MYLK: variants seen among roughly 807,000 people sequenced by gnomAD.
MYLK encodes the protein myosin light chain kinase, smooth muscle.
A neutral mutation model predicts 203.4 loss-of-function variants in MYLK; 106 were observed. The ratio of observed to expected loss-of-function variants is 0.52; its 90% confidence interval spans 0.45 to 0.61. MYLK has a LOEUF of 0.61. Ranked by LOEUF, MYLK falls within the 20% of genes least tolerant of loss-of-function variation. The probability of loss-of-function intolerance (pLI) is 0.00; values close to 1 mark genes in which losing one functional copy is unlikely to be tolerated. For missense variants in MYLK, 2,072 were observed against 2,442.3 expected, an observed-to-expected ratio of 0.85 and a Z score of 3.20; for synonymous variants, 867 against 959.5, an observed-to-expected ratio of 0.90 and a Z score of 1.78.
chr3:123,684,689 C>T (rs1221192521), intron 19 of MYLK, among the ~76,000 whole-genome samples: 2 of 152,054 alleles, frequency 1.3e-5, no homozygotes, highest in African/African-American at 2.4e-5. Flanking sequence ...CTCCTGAGTA[C>T]ACGCCTGACT....
At chr3:123,801,916 T>G (rs1453115414) in intron 3 of MYLK, among the ~76,000 whole-genome samples, 1 of 152,212 alleles carries the variant, frequency 6.6e-6, no homozygotes, top group African/African-American at 2.4e-5. Context: ...TATGATAGAA[T>G]GATTTATCTT....
intron 21 of MYLK, chr3:123,666,852 C>T (rs2059752245): frequency 1.4e-5 from 8 of 587,674 alleles, no homozygotes; most frequent in South Asian, 4.1e-5. Context: ...GGGCAGAATT[C>T]GTAGAAGGGG....
intron 2 of MYLK, among the ~76,000 whole-genome samples, chr3:123,876,006 T>C (rs1010329869): frequency 6.6e-6 from 1 of 152,170 alleles, no homozygotes; most frequent in Non-Finnish European, 1.5e-5. Context: ...AAAACCCTGG[T>C]AGACTTTAAT....
At chr3:123,709,282 A>C (rs2061594242) in intron 14 of MYLK, 2 of 237,558 alleles carry the variant, frequency 8.4e-6, no homozygotes. Context: ...CTGGGACTAC[A>C]GGCACCGGCC....
At chr3:123,826,537 C>A (rs530935620) in intron 3 of MYLK, among the ~76,000 whole-genome samples, 1 of 152,182 alleles carries the variant, frequency 6.6e-6, no homozygotes, top group Non-Finnish European at 1.5e-5. Context: ...GACTTCTGTC[C>A]GCATCCTGTC....
intron 8 of MYLK, among the ~76,000 whole-genome samples, chr3:123,737,006 G>A (rs1208318663): frequency 1.3e-5 from 2 of 152,052 alleles, no homozygotes; most frequent in Non-Finnish European, 2.9e-5. Flanking sequence ...GCCAAGGCAG[G>A]CAGATCACTT....
intron 4 of MYLK, among the ~76,000 whole-genome samples, chr3:123,779,463 C>T (rs1055887019): frequency 6.6e-6 from 1 of 152,170 alleles, no homozygotes; most frequent in Non-Finnish European, 1.5e-5. Context: ...ATTTGGTGGC[C>T]GGGTTGAGCC....
chr3:123,739,250 T>A (rs1042885992), intron 6 of MYLK, among the ~76,000 whole-genome samples, 188 bp from the exon 7 acceptor site: 4 of 152,266 alleles, frequency 2.6e-5, no homozygotes, highest in African/African-American at 4.8e-5. Context: ...CTATTTCCTC[T>A]ACCTCTTGGG....
At chr3:123,675,305 G>A (rs1285134244) in intron 20 of MYLK, among the ~76,000 whole-genome samples, 1 of 152,230 alleles carries the variant, frequency 6.6e-6, no homozygotes, top group African/African-American at 2.4e-5. Context: ...TGGGGCAGGG[G>A]TGGGGAGGCC....
chr3:123,871,196 C>T (rs2700404), intron 2 of MYLK, among the ~76,000 whole-genome samples: 129,477 of 152,166 alleles, frequency 0.85, 55,412 homozygotes, highest in East Asian at 0.96. Flanking sequence ...CCCAACCCAA[C>T]TGTCCCAGAA....
At chr3:123,844,066 CATA>C (rs1439994624) in intron 2 of MYLK, among the ~76,000 whole-genome samples, 1 of 152,182 alleles carries the variant, frequency 6.6e-6, no homozygotes, top group Non-Finnish European at 1.5e-5. Context: ...ACCACATTCA[CATA>C]ATGATTGAGT....
At chr3:123,704,426 C>A (rs1173268796) in intron 16 of MYLK, among the ~76,000 whole-genome samples, 1 of 152,174 alleles carries the variant, frequency 6.6e-6, no homozygotes, top group Non-Finnish European at 1.5e-5. Flanking sequence ...AGGCCCCATC[C>A]CAGGAGCTGC....
Position 123,677,918 on chromosome 3 carries a change from T to TATATATATATACACAC in MYLK, c.3652+4305_3652+4306insGTGTGTATATATATAT, listed in dbSNP as rs1273803739. Among the ~76,000 whole-genome samples, 65 of 78,860 alleles carry TATATATATATACACAC rather than the reference T, an allele frequency of 8.2e-4. 1 individual carries two copies. The highest frequency in any genetic ancestry group is 3.2e-3 in the African/African-American group (52 of 16,430). 51.7% of individuals were successfully genotyped at this position (78,860 alleles called of 152,430 possible). Reference sequence around the variant, plus strand: ...ATATATATATATATATATATATATATACACACACACACACACAGAGTACAT... The same window carrying TATATATATATACACAC: ...ATATATATATATATATATATATATATATATATATATACACACACACACACACACACACAGAGTACAT... On this transcript the variant is annotated intron_variant, in intron 20 of 33. Transcript: ENST00000360304.
At chr3:123,628,790 C>T (rs374189347) in intron 30 of MYLK, among the ~76,000 whole-genome samples, 1 of 152,202 alleles carries the variant, frequency 6.6e-6, no homozygotes, top group Non-Finnish European at 1.5e-5. Flanking sequence ...CTGACCTTTC[C>T]CCACAGCCCA....
At chr3:123,824,163 C>T (rs1394102283) in intron 3 of MYLK, among the ~76,000 whole-genome samples, 3 of 151,586 alleles carry the variant, frequency 2.0e-5, no homozygotes, top group Non-Finnish European at 4.4e-5. Context: ...GATCTCAGCT[C>T]GCCGCAACCT....
At chr3:123,791,003 A>G (rs897194267) in intron 4 of MYLK, among the ~76,000 whole-genome samples, 22 of 152,154 alleles carry the variant, frequency 1.4e-4, no homozygotes, top group African/African-American at 5.3e-4. Flanking sequence ...CACTCATAAG[A>G]GGTTCTGCAA....
intron 13 of MYLK, among the ~76,000 whole-genome samples, chr3:123,721,517 T>A (rs1289407512): frequency 6.6e-6 from 1 of 152,096 alleles, no homozygotes; most frequent in Non-Finnish European, 1.5e-5. Flanking sequence ...TGGATGACCA[T>A]GATAATCAGA....
intron 4 of MYLK, among the ~76,000 whole-genome samples, chr3:123,766,430 G>A (rs150651512): frequency 6.4e-4 from 98 of 152,368 alleles, no homozygotes; most frequent in Middle Eastern, 3.4e-3. Flanking sequence ...TGGGAGCACG[G>A]AGGAGGGTGA....
intron 15 of MYLK, among the ~76,000 whole-genome samples, chr3:123,708,362 T>C (rs533778997): frequency 1.3e-5 from 2 of 152,342 alleles, no homozygotes; most frequent in South Asian, 2.1e-4. Context: ...TGTTATCTAA[T>C]GGCAAGGACC....
Sources: allele counts gnomAD v4.1 joint callset (sites outside exome capture counted in the v4.1 genomes callset), GRCh38; gene constraint gnomAD v4.1.1; transcripts MANE v1.5; gene names NCBI Gene and HGNC (gene_info 2026-07-23, HGNC 2026-07-21).